Variants in COL23A1 observed in about 807,000 individuals in gnomAD.
COL23A1 encodes collagen type XXIII alpha 1 chain.
COL23A1 carries 97 observed loss-of-function variants against 99.3 expected under a neutral mutation model. The observed-to-expected ratio is 0.98, with a 90% CI of 0.83 to 1.16. The LOEUF (loss-of-function observed/expected upper bound fraction) is 1.16, where lower values mean the gene tolerates loss of function less well. Among genes scored for constraint, COL23A1 ranks in the 50% most tolerant of loss-of-function variants. The pLI is 0.00. For synonymous variants in COL23A1, 320 were observed against 308.2 expected (o/e 1.04, Z -0.40); for missense variants, 762 against 757.4 (o/e 1.01, Z -0.07).
intron 3 of COL23A1, among the ~76,000 whole-genome samples, chr5:178,304,951 G>A (rs1758271238): frequency 6.6e-6 from 1 of 152,192 alleles, no homozygotes; most frequent in African/African-American, 2.4e-5. Flanking sequence ...CTTTGAGGTT[G>A]TTTTAAACTT....
At chr5:178,242,420 C>T in intron 25 of COL23A1, 26 bp from the exon 26 acceptor site, 1 of 1,612,880 alleles carries the variant, frequency 6.2e-7, no homozygotes, top group Non-Finnish European at 8.5e-7. Flanking sequence ...GATGCTAAAC[C>T]CGAAAATGAG....
intron 2 of COL23A1, among the ~76,000 whole-genome samples, chr5:178,504,901 G>A (rs1758779525): frequency 6.6e-6 from 1 of 152,148 alleles, no homozygotes; most frequent in Non-Finnish European, 1.5e-5. Flanking sequence ...TGAAGTGTTG[G>A]CTCAAAGCAC....
intron 2 of COL23A1, among the ~76,000 whole-genome samples, chr5:178,438,141 T>C (rs1766664621): frequency 6.6e-6 from 1 of 152,176 alleles, no homozygotes; most frequent in Admixed American, 6.5e-5. Context: ...AACCAAAGAA[T>C]TAAGGGATTA....
At position 178,394,639 on chromosome 5, in the gene COL23A1, C is replaced by T. The variant is rs1310487740; in HGVS notation, c.362-87720G>A. Among the ~76,000 whole-genome samples the T allele has an allele frequency of 5.3e-5, 8 of 152,206 alleles. No homozygotes were observed. In the East Asian group the frequency reaches 1.5e-3, roughly 29 times the overall value. ...AGCTAGCATTTGGCTGCAAGTTCAG[C>T]CTCCTGGTTCCTGAGTCCACCCTGA... On this transcript the variant is annotated intron_variant, in intron 2 of 28. Transcript: ENST00000390654.
chr5:178,321,090 T>C lies in COL23A1; in HGVS notation c.362-14171A>G, dbSNP rs574148663. ...GTTCATCCAGTGGTTTTTGGAAGAT[T>C]ACACTGTATTTGTAAATTTCTAAAC... On this transcript the variant is annotated intron_variant, in intron 2 of 28. Coordinates refer to ENST00000390654, the MANE Select transcript of COL23A1 (RefSeq NM_173465.4). Among the ~76,000 whole-genome samples, 4 of 152,364 alleles carry C rather than the reference T, an allele frequency of 2.6e-5. No individual in the cohort carries two copies. In the South Asian group the frequency reaches 6.2e-4, roughly 24 times the overall value.
intron 2 of COL23A1, among the ~76,000 whole-genome samples, chr5:178,347,882 A>G (rs1761069739): frequency 9.8e-6 from 1 of 102,506 alleles, no homozygotes; most frequent in South Asian, 3.1e-4. Context: ...TCTGTCTCAA[A>G]AAAAAAAAAA....
chr5:178,509,513 GC>G (rs1759081797), intron 2 of COL23A1, among the ~76,000 whole-genome samples: 1 of 152,082 alleles, frequency 6.6e-6, no homozygotes, highest in Non-Finnish European at 1.5e-5. Context: ...GAGCCACCGT[GC>G]CCGGCCAGAA....
chr5:178,529,586 T>C lies in COL23A1; in HGVS notation c.361+31096A>G, dbSNP rs114035922. Among the ~76,000 whole-genome samples, 699 of 152,332 alleles carry C rather than the reference T, an allele frequency of 4.6e-3. 6 individuals are homozygous for C. The highest frequency in any genetic ancestry group is 0.016 in the African/African-American group (670 of 41,564). Reference sequence around the variant, plus strand: ...TTCATTTTTTTGCTTTATTTTGTCATGCCACTCAGAGTTAAGTTTCTGTCA... The same window carrying C: ...TTCATTTTTTTGCTTTATTTTGTCACGCCACTCAGAGTTAAGTTTCTGTCA... On this transcript the variant is annotated intron_variant, in intron 2 of 28. Transcript: ENST00000390654.
intron 2 of COL23A1, among the ~76,000 whole-genome samples, chr5:178,391,731 T>C (rs998588398): frequency 3.3e-5 from 5 of 152,164 alleles, no homozygotes; most frequent in African/African-American, 7.2e-5. Context: ...TGCTCCTATT[T>C]ACCCAAGAGA....
chr5:178,491,712 A>C (rs1164786599), intron 2 of COL23A1, among the ~76,000 whole-genome samples: 1 of 151,836 alleles, frequency 6.6e-6, no homozygotes, highest in East Asian at 1.9e-4. Flanking sequence ...TTTTTTTTTC[A>C]ATTTTTTAAT....
intron 2 of COL23A1, among the ~76,000 whole-genome samples, chr5:178,486,968 G>C (rs1259125030): frequency 2.0e-5 from 3 of 152,204 alleles, no homozygotes; most frequent in African/African-American, 7.2e-5. Context: ...CCACATCAAT[G>C]GCACAGGACT....
chr5:178,353,536 C>T (rs935465754), intron 2 of COL23A1, among the ~76,000 whole-genome samples: 5 of 152,118 alleles, frequency 3.3e-5, no homozygotes, highest in African/African-American at 7.2e-5. Flanking sequence ...GGCCATTTGC[C>T]GAAAAGGAAA....
In COL23A1 at chr5:178,263,267, C is replaced by T; in HGVS notation, c.580G>A (p.Ala194Thr). Reference protein sequence around the residue: ...GPPGPPGPPGARGPPGDTGKD... With the variant: ...GPPGPPGPPGTRGPPGDTGKD... Reference sequence around the variant, plus strand: ...CCAGTGTCGCCAGGAGGGCCCCGGGCCCCAGGAGGTCCAGGGGGCCCCGGA... The same window carrying T: ...CCAGTGTCGCCAGGAGGGCCCCGGGTCCCAGGAGGTCCAGGGGGCCCCGGA... Residue 194 changes from alanine (A) to threonine (T), a missense_variant, in exon 9 of 29, where the codon GCC (alanine) becomes ACC (threonine). Transcript: ENST00000390654. 1.2e-6 allele frequency: 2 copies of T among 1,613,092 alleles called. No individual in the cohort carries two copies.
chr5:178,360,157 A>G (rs986487177), intron 2 of COL23A1, among the ~76,000 whole-genome samples: 1 of 152,152 alleles, frequency 6.6e-6, no homozygotes, highest in Admixed American at 6.5e-5. Context: ...TCTCCTGCCC[A>G]GAAGTGGCCC....
chr5:178,291,740 G>C (rs1281311622), intron 3 of COL23A1, among the ~76,000 whole-genome samples: 1 of 152,142 alleles, frequency 6.6e-6, no homozygotes. Flanking sequence ...GTGCTGGTGG[G>C]TGAGGGGGGA....
chr5:178,462,096 A>C lies in COL23A1; in HGVS notation c.361+98586T>G, dbSNP rs187018476. Among the ~76,000 whole-genome samples, 5 of 152,224 alleles carry C rather than the reference A, an allele frequency of 3.3e-5. 1 individual carries two copies. Among genetic ancestry groups the C allele is most frequent in the African/African-American group, 1.2e-4 (5 of 41,454 alleles). ...AGTAGGAGCTTATTAAGCATTTTGG[A>C]AGGATGGGAGGAGGGGCTTGTGATA... On this transcript the variant is annotated intron_variant, in intron 2 of 28. Coordinates refer to ENST00000390654, the MANE Select transcript of COL23A1 (RefSeq NM_173465.4).
In COL23A1 at chr5:178,590,051, A is replaced by T; in HGVS notation, c.147T>A (p.Ala49=). ...CCTGGACACCCAGCAGCAGGCAGGC[A>T]GCCGCCGAGCCCACGGAGAGCAGCA... is the stretch of plus-strand genomic sequence containing the variant. ...LCLLLSVGSA[A]ACLLLGVQAA... The change falls in exon 1 of 29, where the codon GCT becomes GCA. Residue 49 remains alanine (A), a synonymous_variant. Transcript: ENST00000390654. This position sits in a 1 kb window ranked among gnomAD's most constrained non-coding sequence, Gnocchi z 5.7. 1.5e-6 allele frequency: 2 copies of T among 1,346,894 alleles called. No individual in the cohort carries two copies. Among genetic ancestry groups the T allele is most frequent in the Non-Finnish European group, 1.9e-6 (2 of 1,045,580 alleles). The allele number at this position is 1,346,894 out of a possible 1,614,324, so 83.4% of individuals were successfully genotyped here.
At chr5:178,327,409 GC>G (rs1226757471) in intron 2 of COL23A1, among the ~76,000 whole-genome samples, 1 of 152,136 alleles carries the variant, frequency 6.6e-6, no homozygotes, top group Non-Finnish European at 1.5e-5. Context: ...TGGAAAACCT[GC>G]CCACCTCTCC....
intron 2 of COL23A1, among the ~76,000 whole-genome samples, chr5:178,493,028 T>C (rs1758012366): frequency 6.6e-6 from 1 of 152,202 alleles, no homozygotes; most frequent in South Asian, 2.1e-4. Context: ...AAGCTTTAGT[T>C]GTTGGTTGAC....
Sources: allele counts gnomAD v4.1 joint callset (sites outside exome capture counted in the v4.1 genomes callset), GRCh38; gene constraint gnomAD v4.1.1; non-coding constraint Gnocchi (gnomAD v3.1); transcripts MANE v1.5; gene names NCBI Gene and HGNC (gene_info 2026-07-23, HGNC 2026-07-21).